ARHGEF9: variants seen among roughly 807,000 people sequenced by gnomAD.
The protein encoded by ARHGEF9 is rho guanine nucleotide exchange factor 9.
Under a neutral mutation model 41.3 loss-of-function variants are expected in ARHGEF9, and 2 were observed. The ratio of observed to expected loss-of-function variants is 0.05; its 90% CI spans 0.02 to 0.15. The LOEUF (loss-of-function observed/expected upper bound fraction) is 0.15, where lower values mean the gene tolerates loss of function less well. Among genes scored for constraint, ARHGEF9 ranks in the 10% least tolerant of loss-of-function variants. The pLI is 1.00. For synonymous variants in ARHGEF9, 160 were observed against 154.4 expected, an observed-to-expected ratio of 1.04 and a Z score of -0.27; for missense variants, 225 against 424.7, an observed-to-expected ratio of 0.53 and a Z score of 4.13.
At chrX:63,774,986 A>T (rs1284691323) in intron 1 of ARHGEF9, among the ~76,000 whole-genome samples, 6 of 112,334 alleles carry the variant, frequency 5.3e-5, no homozygotes, top group Non-Finnish European at 7.5e-5. Flanking sequence ...ACACAAAAAA[A>T]ATACAACCTC....
At chrX:63,754,940 G>T in intron 1 of ARHGEF9, 2 of 939,411 alleles carry the variant, frequency 2.1e-6, no homozygotes, top group Non-Finnish European at 2.6e-6. Flanking sequence ...GTTCTCCGGC[G>T]CCTGCTCAGT....
In ARHGEF9 at chrX:63,636,980, A is replaced by G; in HGVS notation, c.*1048T>C. On this transcript the variant is annotated 3_prime_UTR_variant, in exon 10 of 10. Transcript: ENST00000671741. ...GATTGCTGTAGAGATCACTGCCCTA[A>G]ACCTATCTGGTACTAGGGGGCAGGT... The G allele has an allele frequency of 3.4e-6, 1 of 297,317 alleles. No homozygotes were observed. The highest frequency in any genetic ancestry group is 5.9e-6 in the Non-Finnish European group (1 of 170,244). 24.5% of individuals were successfully genotyped at this position (297,317 alleles called of 1,213,427 possible).
intron 2 of ARHGEF9, chrX:63,716,118 A>T (rs1414104664): frequency 2.7e-5 from 3 of 110,525 alleles, no homozygotes; most frequent in Non-Finnish European, 3.8e-5. Context: ...GAAATCCTGC[A>T]TCTACAAAAA....
At chrX:63,728,887 AT>A (rs1355796633) in intron 1 of ARHGEF9, among the ~76,000 whole-genome samples, 1 of 111,510 alleles carries the variant, frequency 9.0e-6, no homozygotes, top group Non-Finnish European at 1.9e-5. Flanking sequence ...AAGCAGAGAA[AT>A]GAGATTAAGC....
At chrX:63,650,436 A>C (rs1174814312) in intron 8 of ARHGEF9, among the ~76,000 whole-genome samples, 1 of 111,301 alleles carries the variant, frequency 9.0e-6, no homozygotes, top group Non-Finnish European at 1.9e-5. Flanking sequence ...TCCCTCATAC[A>C]TGGGAGCTGA....
chrX:63,781,122 CAT>C (rs2056372929), intron 1 of ARHGEF9, among the ~76,000 whole-genome samples: 1 of 111,932 alleles, frequency 8.9e-6, no homozygotes, highest in Admixed American at 9.5e-5. Flanking sequence ...GTAGTTTATA[CAT>C]GAGTTAAATT....
In ARHGEF9 at chrX:63,637,846, C is replaced by CTGTGTGTGTGTGTGTG; in HGVS notation, c.*166_*181dup. The CTGTGTGTGTGTGTGTG allele has an allele frequency of 6.4e-6, 2 of 313,586 alleles. No individual in the cohort carries two copies. The highest frequency in any genetic ancestry group is 4.9e-5 in the East Asian group (1 of 20,513). The allele number at this position is 313,586 out of a possible 1,213,427, so 25.8% of individuals were successfully genotyped here. A position where few individuals can be genotyped will look rare whatever the true frequency, so the allele number is the denominator to read the frequency against. On this transcript the variant is annotated 3_prime_UTR_variant, in exon 10 of 10. Transcript: ENST00000671741. ...GAAAACACTTTTGTTCCTTATCTCTCTGTGTGTGTGTGTGTGTGTGTGTGT... is the reference window on the plus strand; with the variant it reads ...GAAAACACTTTTGTTCCTTATCTCTCTGTGTGTGTGTGTGTGTGTGTGTGTGTGTGTGTGTGTGTGT...
chrX:63,759,874 A>G (rs1226648576), intron 1 of ARHGEF9, among the ~76,000 whole-genome samples: 1 of 111,919 alleles, frequency 8.9e-6, no homozygotes, highest in Non-Finnish European at 1.9e-5. Context: ...TAAGATATGG[A>G]GCGCAGATGT....
intron 1 of ARHGEF9, among the ~76,000 whole-genome samples, chrX:63,742,156 A>G (rs1179239427): frequency 8.9e-6 from 1 of 112,031 alleles, no homozygotes; most frequent in African/African-American, 3.2e-5. Context: ...GCCACCCCTC[A>G]TTCATCTAAA....
chrX:63,723,505 T>C (rs1289662458), intron 2 of ARHGEF9, among the ~76,000 whole-genome samples: 1 of 112,082 alleles, frequency 8.9e-6, no homozygotes, highest in African/African-American at 3.2e-5. Flanking sequence ...CAAAACGTGA[T>C]AGGCTGTCGT....
At chrX:63,701,505 T>C in intron 3 of ARHGEF9, 1 of 111,994 alleles carries the variant, frequency 8.9e-6, no homozygotes, top group East Asian at 2.8e-4. Context: ...ATATAGTTGC[T>C]GCTCAGTTAT....
At chrX:63,682,934 G>T (rs1267522236) in intron 4 of ARHGEF9, among the ~76,000 whole-genome samples, 1 of 111,036 alleles carries the variant, frequency 9.0e-6, no homozygotes, top group Non-Finnish European at 1.9e-5. Context: ...ATAAGACAAG[G>T]ATGCCCACCC....
intron 8 of ARHGEF9, among the ~76,000 whole-genome samples, chrX:63,649,833 A>T (rs368509302): frequency 9.8e-5 from 11 of 111,999 alleles, no homozygotes; most frequent in African/African-American, 3.2e-4. Context: ...TAAACTAGAA[A>T]ATCTAGAAGA....
At chrX:63,736,609 T>G (rs2054627211) in intron 1 of ARHGEF9, among the ~76,000 whole-genome samples, 1 of 112,094 alleles carries the variant, frequency 8.9e-6, no homozygotes, top group Non-Finnish European at 1.9e-5. Flanking sequence ...GCAGCAGAGC[T>G]GCCAAGATTA....
intron 5 of ARHGEF9, among the ~76,000 whole-genome samples, chrX:63,674,490 C>T (rs1274700752): frequency 5.4e-5 from 6 of 111,796 alleles, no homozygotes; most frequent in South Asian, 3.7e-4. Context: ...GAGCGGCTGG[C>T]CGAGTTAGGT....
At chrX:63,701,957 T>A (rs1431861527) in intron 3 of ARHGEF9, among the ~76,000 whole-genome samples, 1 of 112,474 alleles carries the variant, frequency 8.9e-6, no homozygotes, top group Non-Finnish European at 1.9e-5. Context: ...GTTATCATTT[T>A]CTATGTGCCA....
rs1208783237 is a variant in ARHGEF9, at chrX:63,711,609, A to G, written c.211-5160T>C. Among the ~76,000 whole-genome samples the G allele has an allele frequency of 6.2e-5, 7 of 112,416 alleles. No homozygotes were observed. In the East Asian group the frequency reaches 1.9e-3, roughly 31 times the overall value. ...GTACAACTGGATATCCACATGCAGG[A>G]GAATGAACTTTGGCTCCTACTTTAC... On this transcript the variant is annotated intron_variant, in intron 2 of 9. Transcript: ENST00000671741.
intron 9 of ARHGEF9, chrX:63,640,355 G>A (rs1556304402): frequency 8.9e-6 from 1 of 112,028 alleles, no homozygotes. Context: ...AAATTACGCT[G>A]TCTTGGTTAC....
Position 63,636,540 on chromosome X carries a change from G to A in ARHGEF9, c.*1488C>T, listed in dbSNP as rs1280908775. On this transcript the variant is annotated 3_prime_UTR_variant, in exon 10 of 10. Coordinates refer to ENST00000671741, the MANE Select transcript of ARHGEF9 (RefSeq NM_001353921.2). ...TAACTCACTTGCCCCAAATGTCCTGGGATGAGAGGATGTTGGAAACACGGC... is the reference window on the plus strand; with the variant it reads ...TAACTCACTTGCCCCAAATGTCCTGAGATGAGAGGATGTTGGAAACACGGC... 6.6e-6 allele frequency: 1 copy of A among 151,489 alleles called. No homozygotes were observed. Among genetic ancestry groups the A allele is most frequent in the African/African-American group, 3.1e-5 (1 of 32,285 alleles). 12.5% of individuals were successfully genotyped at this position (151,489 alleles called of 1,213,427 possible).
Sources: gnomAD v4.1 joint callset for allele counts (sites outside exome capture counted in the v4.1 genomes callset) on GRCh38, gnomAD v4.1.1 for gene constraint, MANE v1.5 for transcripts, NCBI Gene and HGNC (gene_info 2026-07-23, HGNC 2026-07-21) for gene names.